Variants in UTP18 observed in about 807,000 individuals in gnomAD.
UTP18 encodes the protein UTP18 small subunit processome component.
In UTP18, 36 loss-of-function variants were observed where a neutral mutation model predicts 61.1. That is an observed-to-expected ratio of 0.59 (90% CI 0.45 to 0.78). The LOEUF (loss-of-function observed/expected upper bound fraction) is 0.78. UTP18 is among the 30% of genes least tolerant of loss of function. The pLI is 0.00. For synonymous variants in UTP18, 282 were observed against 251.1 expected (o/e 1.12, Z -1.16); for missense variants, 753 against 693.9 (o/e 1.09, Z -0.96).
At chr17:51,263,490 T>C (rs1414685097) in intron 2 of UTP18, 104 bp downstream of exon 2, 3 of 878,610 alleles carry the variant, frequency 3.4e-6, no homozygotes, top group Non-Finnish European at 3.5e-6. Flanking sequence ...ATGTGAAGAT[T>C]TGAAAAATAT....
chr17:51,271,949 T>G (rs1047681495), intron 4 of UTP18, among the ~76,000 whole-genome samples: 3 of 152,200 alleles, frequency 2.0e-5, no homozygotes, highest in African/African-American at 7.2e-5. Context: ...ATTACAGATA[T>G]GAGCCACCAT....
intron 1 of UTP18, among the ~76,000 whole-genome samples, chr17:51,261,644 G>A (rs1357217237): frequency 6.6e-6 from 1 of 152,142 alleles, no homozygotes; most frequent in Non-Finnish European, 1.5e-5. Context: ...ACAAGATAGA[G>A]GAGATAAACG....
chr17:51,286,453 C>A (rs1270847040), intron 10 of UTP18: 1 of 456,150 alleles, frequency 2.2e-6, no homozygotes, highest in African/African-American at 2.0e-5. Context: ...TTAGCATACT[C>A]TCTACTCTTT....
chr17:51,286,273 C>T (rs987818446), intron 10 of UTP18, among the ~76,000 whole-genome samples: 1 of 152,128 alleles, frequency 6.6e-6, no homozygotes, highest in African/African-American at 2.4e-5. Flanking sequence ...TTGGATACTT[C>T]GCAGTAATTC....
chr17:51,275,796 TC>T, intron 5 of UTP18, 69 bp from the exon 6 acceptor site: 2 of 1,423,694 alleles, frequency 1.4e-6, no homozygotes, highest in South Asian at 1.6e-5. Flanking sequence ...TAATGTCTTT[TC>T]TTCTTACTCT....
intron 11 of UTP18, chr17:51,288,431 C>A: frequency 1.9e-6 from 1 of 522,006 alleles, no homozygotes; most frequent in Non-Finnish European, 3.5e-6. Flanking sequence ...TCCATTCTCA[C>A]CATTCCTAAA....
chr17:51,281,164 A>ATATTTTT lies in UTP18; in HGVS notation c.1204+686_1204+687insATTTTTT, dbSNP rs59857038. The stretch of plus-strand genomic sequence containing the variant: ...AAAATATATATATATATATATATAT[A>ATATTTTT]TTTTTTTTAAACGAAAAGTTGTGTT... On this transcript the variant is annotated intron_variant, in intron 9 of 13. Coordinates refer to ENST00000225298, the MANE Select transcript of UTP18 (RefSeq NM_016001.3). 1.2e-3 allele frequency among the ~76,000 whole-genome samples: 163 copies of ATATTTTT among 140,422 alleles called. 3 individuals carry two copies. The highest frequency in any genetic ancestry group is 4.3e-3 in the African/African-American group (162 of 37,368). 92.1% of individuals were successfully genotyped at this position (140,422 alleles called of 152,430 possible). A position where few individuals can be genotyped will look rare whatever the true frequency, so the allele number is the denominator to read the frequency against.
chr17:51,268,315 G>C (rs113652666), intron 3 of UTP18, among the ~76,000 whole-genome samples: 8 of 152,122 alleles, frequency 5.3e-5, no homozygotes, highest in Admixed American at 6.5e-5. Context: ...CGTGAGCCAT[G>C]GCGCCCGGCC....
chr17:51,274,645 T>C (rs1464803325), intron 5 of UTP18, among the ~76,000 whole-genome samples: 2 of 151,356 alleles, frequency 1.3e-5, no homozygotes, highest in African/African-American at 4.9e-5. Flanking sequence ...AGAGACAGGG[T>C]TTCTCCATGT....
Position 51,263,378 on chromosome 17 carries a change from T to A in UTP18, c.447T>A (p.Asp149Glu). Reference sequence around the variant, plus strand: ...TTTGGGTGGATGAAGAAGATGAAGATGAGGAAATGTAAGTTGCCTAACTTT... The same window carrying A: ...TTTGGGTGGATGAAGAAGATGAAGAAGAGGAAATGTAAGTTGCCTAACTTT... ...KPVWVDEEDE[D>E]EEMVDMMNNR... is the part of the protein sequence containing the mutation. The change falls in exon 2 of 14, where the codon GAT becomes GAA. Residue 149 changes from aspartate to glutamate, a missense_variant. Transcript: ENST00000225298. 1 of 1,612,556 alleles carries A rather than the reference T, an allele frequency of 6.2e-7. No homozygotes were observed. Among genetic ancestry groups the A allele is most frequent in the Non-Finnish European group, 8.5e-7 (1 of 1,178,636 alleles).
At chr17:51,264,768 C>A (rs12951150) in intron 2 of UTP18, among the ~76,000 whole-genome samples, 1 of 150,412 alleles carries the variant, frequency 6.6e-6, no homozygotes, top group Non-Finnish European at 1.5e-5. Flanking sequence ...CTGCAACCTC[C>A]GCCTCCCAGG....
chr17:51,269,783 T>A (rs916531182), intron 4 of UTP18, among the ~76,000 whole-genome samples: 6 of 152,272 alleles, frequency 3.9e-5, no homozygotes, highest in African/African-American at 1.4e-4. Flanking sequence ...CCTGACTTTA[T>A]CCACTGCAGT....
chr17:51,295,426 A>G (rs1476962496), intron 12 of UTP18, among the ~76,000 whole-genome samples: 1 of 152,210 alleles, frequency 6.6e-6, no homozygotes, highest in Non-Finnish European at 1.5e-5. Context: ...ATGGCTAGCC[A>G]GTTTTCCCAG....
chr17:51,279,692 G>T (rs1290301491), intron 7 of UTP18, among the ~76,000 whole-genome samples: 1 of 152,130 alleles, frequency 6.6e-6, no homozygotes, highest in East Asian at 1.9e-4. Flanking sequence ...TAAATTAGAG[G>T]TATTACTGCA....
chr17:51,290,791 GT>G (rs1905219077), intron 11 of UTP18, among the ~76,000 whole-genome samples: 2 of 152,186 alleles, frequency 1.3e-5, no homozygotes, highest in African/African-American at 4.8e-5. Context: ...TTAAATGGTA[GT>G]CAACCATAAT....
intron 9 of UTP18, among the ~76,000 whole-genome samples, chr17:51,283,970 T>A (rs1905031927): frequency 6.6e-6 from 1 of 152,242 alleles, no homozygotes; most frequent in African/African-American, 2.4e-5. Context: ...TTCATGCACT[T>A]GCTTTCTAGA....
At chr17:51,293,353 C>T (rs1905281215) in intron 11 of UTP18, among the ~76,000 whole-genome samples, 1 of 152,046 alleles carries the variant, frequency 6.6e-6, no homozygotes, top group African/African-American at 2.4e-5. Flanking sequence ...GCATTGGAGA[C>T]TTGGAAAGGT....
In UTP18 at chr17:51,273,772, A is replaced by T. The variant is rs954757716; in HGVS notation, c.711+322A>T. 5.3e-5 allele frequency among the ~76,000 whole-genome samples: 8 copies of T among 150,470 alleles called. No individual in the cohort carries two copies. In the South Asian group the frequency reaches 1.7e-3, roughly 31 times the overall value. ...AAATAAATAAATAAATAAATAAATA[A>T]ATTTTCCAGTAATTCTAGGAATCCC... On this transcript the variant is annotated intron_variant, in intron 5 of 13. Transcript: ENST00000225298.
At chr17:51,290,474 C>T (rs889715636) in intron 11 of UTP18, among the ~76,000 whole-genome samples, 3 of 152,060 alleles carry the variant, frequency 2.0e-5, no homozygotes, top group African/African-American at 7.2e-5. Flanking sequence ...AAAATTACAG[C>T]ATAGCATTTT....
Sources: allele counts gnomAD v4.1 joint callset (sites outside exome capture counted in the v4.1 genomes callset), GRCh38; gene constraint gnomAD v4.1.1; transcripts MANE v1.5; gene names NCBI Gene and HGNC (gene_info 2026-07-23, HGNC 2026-07-21).